Variants in SBNO2 observed in about 807,000 individuals in gnomAD.
The protein encoded by SBNO2 is strawberry notch homolog 2, also known as protein strawberry notch homolog 2.
In SBNO2, 89 loss-of-function variants were observed where a neutral mutation model predicts 146.3. The observed-to-expected ratio is 0.61, with a 90% CI of 0.51 to 0.73. SBNO2 has a LOEUF of 0.73. SBNO2 is among the 30% of genes least tolerant of loss of function. The pLI is 0.00. For missense variants in SBNO2, 2,092 were observed against 2,003.7 expected, an observed-to-expected ratio of 1.04 and a Z score of -0.84; for synonymous variants, 1,147 against 892.6, an observed-to-expected ratio of 1.29 and a Z score of -5.08.
chr19:1,169,877 C>T (rs551799581), intron 1 of SBNO2, among the ~76,000 whole-genome samples: 127 of 152,284 alleles, frequency 8.3e-4, no homozygotes, highest in African/African-American at 3.0e-3. Flanking sequence ...CTTCTAATTC[C>T]AAAACATTCC....
chr19:1,169,385 T>C (rs881549), intron 1 of SBNO2, among the ~76,000 whole-genome samples: 48,420 of 152,176 alleles, frequency 0.32, 8,061 homozygotes, highest in East Asian at 0.46. Flanking sequence ...CACGCTGCCA[T>C]GCTGAGCTCT....
intron 4 of SBNO2, among the ~76,000 whole-genome samples, chr19:1,135,534 G>A (rs79884185): frequency 0.014 from 2,110 of 152,304 alleles, 46 homozygotes; most frequent in African/African-American, 0.047. Context: ...GGGGTGCGCC[G>A]CCTAGGGACC....
At chr19:1,114,456 C>A (rs773160597) in intron 17 of SBNO2, 34 bp from the exon 18 acceptor site, 3 of 1,478,726 alleles carry the variant, frequency 2.0e-6, no homozygotes, top group Non-Finnish European at 2.7e-6. Flanking sequence ...GAGGGCCAGA[C>A]CGCAGCAAGG....
In SBNO2 at chr19:1,108,708, C is replaced by G; in HGVS notation, c.3617-4G>C. 3 of 1,554,054 alleles carry G rather than the reference C, an allele frequency of 1.9e-6. No individual in the cohort carries two copies. Among genetic ancestry groups the G allele is most frequent in the Non-Finnish European group, 2.6e-6 (3 of 1,158,260 alleles). On this transcript the variant is annotated splice_region_variant and splice_polypyrimidine_tract_variant and intron_variant, in intron 31 of 31. Coordinates refer to ENST00000361757, the MANE Select transcript of SBNO2 (RefSeq NM_014963.3). ...CAGCCCTCGGGGATCTTGATGCCTG[C>G]GGGCAGAGCGTCGGGGTCAGGGCCG... is the stretch of plus-strand genomic sequence containing the variant.
chr19:1,124,100 G>A, intron 5 of SBNO2, 78 bp from the exon 6 acceptor site: 1 of 1,376,148 alleles, frequency 7.3e-7, no homozygotes. Flanking sequence ...CTGGCCACCA[G>A]AGGGAGGCTC....
At chr19:1,138,893 C>T (rs1041921693) in intron 4 of SBNO2, among the ~76,000 whole-genome samples, 8 of 149,910 alleles carry the variant, frequency 5.3e-5, no homozygotes, top group African/African-American at 2.0e-4. Context: ...CGGACAGACA[C>T]AGTGGGTCCT....
intron 1 of SBNO2, among the ~76,000 whole-genome samples, chr19:1,159,951 G>A (rs2080328671): frequency 1.3e-5 from 2 of 152,012 alleles, no homozygotes; most frequent in South Asian, 4.1e-4. Flanking sequence ...GGTGGGTGAG[G>A]GAGACCCCAG....
intron 4 of SBNO2, among the ~76,000 whole-genome samples, chr19:1,134,201 CTCACAGG>C (rs2080064207): frequency 6.6e-6 from 1 of 151,744 alleles, no homozygotes; most frequent in Admixed American, 6.6e-5. Context: ...GGACTCACAG[CTCACAGG>C]TGGACCCACA....
intron 4 of SBNO2, among the ~76,000 whole-genome samples, chr19:1,133,489 G>A (rs2080054771): frequency 6.6e-6 from 1 of 152,166 alleles, no homozygotes; most frequent in African/African-American, 2.4e-5. Flanking sequence ...GAGGCCCTGT[G>A]CCAGCCCCAC....
intron 7 of SBNO2, among the ~76,000 whole-genome samples, 175 bp downstream of exon 7, chr19:1,123,359 G>T (rs941984290): frequency 1.3e-5 from 2 of 152,120 alleles, no homozygotes; most frequent in African/African-American, 4.8e-5. Context: ...TCTCCCCTCT[G>T]CGAACCCCGG....
At position 1,147,348 on chromosome 19, in the gene SBNO2, G is replaced by T; in HGVS notation, c.240C>A (p.Thr80=). ...CPDTSYAPVA[T]ASSLPPKTCD... The stretch of plus-strand genomic sequence containing the variant: ...AGGTCTTTGGTGGCAAGCTGGAGGC[G>T]GTGGCCACGGGGGCATAGCTGGTGT... The change falls in exon 4 of 32, where the codon ACC becomes ACA. Residue 80 remains threonine (T), a synonymous_variant. Transcript: ENST00000361757. 6.4e-7 allele frequency: 1 copy of T among 1,571,930 alleles called. No homozygotes were observed. Among genetic ancestry groups the T allele is most frequent in the East Asian group, 2.5e-5 (1 of 40,598 alleles).
chr19:1,113,690 G>T lies in SBNO2; in HGVS notation c.2092C>A (p.Leu698Met). 6.3e-7 allele frequency: 1 copy of T among 1,581,462 alleles called. No individual in the cohort carries two copies. The highest frequency in any genetic ancestry group is 2.4e-5 in the East Asian group (1 of 41,610). The change falls in exon 19 of 32, where the codon CTG (leucine) becomes ATG (methionine). Residue 698 changes from leucine to methionine, a missense_variant. Coordinates refer to ENST00000361757, the MANE Select transcript of SBNO2 (RefSeq NM_014963.3). ...PSDDRGPLCLLQRDPHGPGVL... is the reference protein window; with the variant it reads ...PSDDRGPLCLMQRDPHGPGVL... ...CCGGGGCCATGCGGGTCTCTCTGCAGGAGGCACAGGGGTCCTAGGGAGGAG... is the reference window on the plus strand; with the variant it reads ...CCGGGGCCATGCGGGTCTCTCTGCATGAGGCACAGGGGTCCTAGGGAGGAG...
At chr19:1,164,870 CAGGAGGAGGAGGAG>C (rs2080394933) in intron 1 of SBNO2, among the ~76,000 whole-genome samples, 1 of 13,674 alleles carries the variant, frequency 7.3e-5, no homozygotes, top group Non-Finnish European at 1.4e-4. Flanking sequence ...GGAGGAGGAA[CAGGAGGAGGAGGAG>C]GAACAGGAGG....
Position 1,108,901 on chromosome 19 carries a change from T to G in SBNO2, c.3494A>C (p.Tyr1165Ser). ...GCGCAGCAGCGCGCCGCACAGCATG[T>G]AGTGGTGCCGCAGCCGCAGCCCCTG... is the stretch of plus-strand genomic sequence containing the variant. ...CLQGLRLRHHYMLCGALLRVW... is the reference protein window; with the variant it reads ...CLQGLRLRHHSMLCGALLRVW... Residue 1165 changes from tyrosine (Y) to serine (S), a missense_variant, in exon 31 of 32, where the codon TAC becomes TCC. Coordinates refer to ENST00000361757, the MANE Select transcript of SBNO2 (RefSeq NM_014963.3). 1 of 1,583,930 alleles carries G rather than the reference T, an allele frequency of 6.3e-7. No individual in the cohort carries two copies. Among genetic ancestry groups the G allele is most frequent in the Non-Finnish European group, 8.5e-7 (1 of 1,172,438 alleles).
At position 1,157,627 on chromosome 19, in the gene SBNO2, C is replaced by T. The variant is rs966453495; in HGVS notation, c.-126-3225G>A. Among the ~76,000 whole-genome samples, 17 of 152,324 alleles carry T rather than the reference C, an allele frequency of 1.1e-4. No individual in the cohort carries two copies. Among genetic ancestry groups the T allele is most frequent in the African/African-American group, 3.8e-4 (16 of 41,574 alleles). Reference sequence around the variant, plus strand: ...TGGGAGGGGGCCCGCGCTTTATCAGCACGCTGACACCCAGAGGGGATGTGG... The same window carrying T: ...TGGGAGGGGGCCCGCGCTTTATCAGTACGCTGACACCCAGAGGGGATGTGG... On this transcript the variant is annotated intron_variant, in intron 1 of 31. Coordinates refer to ENST00000361757, the MANE Select transcript of SBNO2 (RefSeq NM_014963.3). The surrounding 1 kb of genome is among the most constrained non-coding windows in gnomAD (Gnocchi z 6.8).
At chr19:1,142,170 C>G (rs1438658540) in intron 4 of SBNO2, among the ~76,000 whole-genome samples, 49 of 150,680 alleles carry the variant, frequency 3.3e-4, no homozygotes, top group Non-Finnish European at 3.1e-4. Flanking sequence ...CACTCAATGA[C>G]CTCCCTCCCC....
rs928706009 is a variant in SBNO2, at chr19:1,157,077, C to G, written c.-126-2675G>C. On this transcript the variant is annotated intron_variant, in intron 1 of 31. Coordinates refer to ENST00000361757, the MANE Select transcript of SBNO2 (RefSeq NM_014963.3). This position sits in a 1 kb window ranked among gnomAD's most constrained non-coding sequence, Gnocchi z 6.8. ...TGCTGCCCCGATCCCCAGGCCCTCC[C>G]GCAGCCCCCAGCCCCTAGCCCTGCC... 6.6e-6 allele frequency among the ~76,000 whole-genome samples: 1 copy of G among 152,062 alleles called. No homozygotes were observed. The highest frequency in any genetic ancestry group is 2.1e-4 in the South Asian group (1 of 4,834).
At chr19:1,114,571 G>T in intron 17 of SBNO2, 149 bp from the exon 18 acceptor site, 1 of 637,000 alleles carries the variant, frequency 1.6e-6, no homozygotes, top group Non-Finnish European at 2.5e-6. Flanking sequence ...CAGCTCAGCT[G>T]TTCTCCAGGG....
chr19:1,124,664 C>A (rs1047220585), intron 5 of SBNO2, among the ~76,000 whole-genome samples: 2 of 152,198 alleles, frequency 1.3e-5, no homozygotes, highest in Non-Finnish European at 2.9e-5. Flanking sequence ...AGGATGCCTG[C>A]CACTGTAGTG....
Sources: allele counts gnomAD v4.1 joint callset (sites outside exome capture counted in the v4.1 genomes callset), GRCh38; gene constraint gnomAD v4.1.1; non-coding constraint Gnocchi (gnomAD v3.1); transcripts MANE v1.5; gene names NCBI Gene and HGNC (gene_info 2026-07-23, HGNC 2026-07-21).